Variants in ADAMTS2 observed in about 807,000 individuals in gnomAD.
ADAMTS2 encodes A disintegrin and metalloproteinase with thrombospondin motifs 2.
Under a neutral mutation model 123.0 loss-of-function variants are expected in ADAMTS2, and 50 were observed. The observed-to-expected ratio is 0.41, with a 90% CI of 0.32 to 0.51. The LOEUF is 0.51. Ranked by LOEUF, ADAMTS2 falls within the 20% of genes least tolerant of loss-of-function variation. The probability of loss-of-function intolerance (pLI) is 0.35; values close to 1 mark genes in which losing one functional copy is unlikely to be tolerated. For missense variants in ADAMTS2, 1,494 were observed against 1,705.2 expected (o/e 0.88, Z 2.18); for synonymous variants, 678 against 695.4 (o/e 0.98, Z 0.39).
At chr5:179,220,710 C>T (rs577398040) in intron 3 of ADAMTS2, among the ~76,000 whole-genome samples, 160 of 152,290 alleles carry the variant, frequency 1.1e-3, no homozygotes, top group African/African-American at 3.6e-3. Context: ...GCAGCATCTG[C>T]GCCTCCCCCA....
Position 179,340,755 on chromosome 5 carries a change from G to A in ADAMTS2, c.534+3012C>T, listed in dbSNP as rs576229818. Among the ~76,000 whole-genome samples the A allele has an allele frequency of 4.6e-5, 7 of 152,248 alleles. 1 individual carries two copies. In the South Asian group the frequency reaches 1.2e-3, roughly 27 times the overall value. On this transcript the variant is annotated intron_variant, in intron 2 of 21. Coordinates refer to ENST00000251582, the MANE Select transcript of ADAMTS2 (RefSeq NM_014244.5). ...CACAGGGGGCTCAGCTGAGAGCCTG[G>A]CACACAATGTTAATAGGAACACAGT... is the stretch of plus-strand genomic sequence containing the variant.
intron 2 of ADAMTS2, among the ~76,000 whole-genome samples, chr5:179,316,462 G>A (rs1040336231): frequency 2.6e-5 from 4 of 152,150 alleles, no homozygotes; most frequent in Admixed American, 6.5e-5. Flanking sequence ...GGCATCCCAG[G>A]CTCCTGCCTA....
At chr5:179,183,486 T>A (rs1764096689) in intron 4 of ADAMTS2, among the ~76,000 whole-genome samples, 1 of 152,234 alleles carries the variant, frequency 6.6e-6, no homozygotes, top group Admixed American at 6.5e-5. Flanking sequence ...TCCTGGCTGC[T>A]GCCTGGGACC....
chr5:179,297,940 G>T (rs1164999700), intron 2 of ADAMTS2, among the ~76,000 whole-genome samples: 5 of 152,084 alleles, frequency 3.3e-5, no homozygotes, highest in Non-Finnish European at 5.9e-5. Context: ...CTTCTCAGCA[G>T]GCTGGCCTCT....
In ADAMTS2 at chr5:179,256,396, C is replaced by A. The variant is rs958587293; in HGVS notation, c.688+16515G>T. On this transcript the variant is annotated intron_variant, in intron 3 of 21. Transcript: ENST00000251582. The surrounding 1 kb of genome is among the most constrained non-coding windows in gnomAD (Gnocchi z 4.1). ...CAGCAGGACTCATCCAGAGACAGGA[C>A]AGACCCTGGGCTCCTGGTGCCCAGC... is the stretch of plus-strand genomic sequence containing the variant. Among the ~76,000 whole-genome samples, 1 of 152,316 alleles carries A rather than the reference C, an allele frequency of 6.6e-6. No homozygotes were observed. Among genetic ancestry groups the A allele is most frequent in the South Asian group, 2.1e-4 (1 of 4,820 alleles).
At chr5:179,337,216 G>C (rs61635823) in intron 2 of ADAMTS2, among the ~76,000 whole-genome samples, 1 of 151,966 alleles carries the variant, frequency 6.6e-6, no homozygotes, top group African/African-American at 2.4e-5. Flanking sequence ...CTAACGTGGC[G>C]CCAAGATTGA....
Position 179,314,062 on chromosome 5 carries a change from G to T in ADAMTS2, c.534+29705C>A, listed in dbSNP as rs898597276. 1.2e-5 allele frequency among the ~76,000 whole-genome samples: 1 copy of T among 81,952 alleles called. No individual in the cohort carries two copies. Among genetic ancestry groups the T allele is most frequent in the Non-Finnish European group, 2.6e-5 (1 of 38,158 alleles). The allele number at this position is 81,952 out of a possible 152,430, so 53.8% of individuals were successfully genotyped here. A position where few individuals can be genotyped will look rare whatever the true frequency, so the allele number is the denominator to read the frequency against. On this transcript the variant is annotated intron_variant, in intron 2 of 21. Coordinates refer to ENST00000251582, the MANE Select transcript of ADAMTS2 (RefSeq NM_014244.5). The surrounding 1 kb of genome is among the most constrained non-coding windows in gnomAD (Gnocchi z 4.5). Reference sequence around the variant, plus strand: ...CCCAGGCAGAACCTGATGGTGGGGCGGGGGGGTTCCTCACACACCCCACAC... The same window carrying T: ...CCCAGGCAGAACCTGATGGTGGGGCTGGGGGGTTCCTCACACACCCCACAC...
chr5:179,207,508 C>T lies in ADAMTS2; in HGVS notation c.891+5G>A. On this transcript the variant is annotated splice_donor_5th_base_variant and intron_variant, in intron 4 of 21. Transcript: ENST00000251582. ...CCACCCTGCCCCCTCAGCCACCCCA[C>T]TCACAATGTTCATGAGTGTCAGCAG... 2 of 1,608,912 alleles carry T rather than the reference C, an allele frequency of 1.2e-6. No homozygotes were observed. The highest frequency in any genetic ancestry group is 1.3e-5 in the African/African-American group (1 of 74,808).
At chr5:179,237,279 T>TA (rs551238790) in intron 3 of ADAMTS2, among the ~76,000 whole-genome samples, 1 of 152,132 alleles carries the variant, frequency 6.6e-6, no homozygotes, top group African/African-American at 2.4e-5. Context: ...TTTTTTAAAT[T>TA]AAAAATGTAG....
At chr5:179,344,818 G>T (rs1442255615) in intron 1 of ADAMTS2, among the ~76,000 whole-genome samples, 1 of 152,078 alleles carries the variant, frequency 6.6e-6, no homozygotes, top group African/African-American at 2.4e-5. Flanking sequence ...CTACGCGCTC[G>T]GCAGCCGGCT....
At chr5:179,168,799 C>T (rs1763761947) in intron 5 of ADAMTS2, among the ~76,000 whole-genome samples, 1 of 152,290 alleles carries the variant, frequency 6.6e-6, no homozygotes, top group East Asian at 1.9e-4. Context: ...AAAGTGGGCT[C>T]CCCCAAGGCT....
chr5:179,196,610 G>C (rs1764438458), intron 4 of ADAMTS2, among the ~76,000 whole-genome samples: 1 of 152,228 alleles, frequency 6.6e-6, no homozygotes, highest in South Asian at 2.1e-4. Flanking sequence ...TGGGGTCTGA[G>C]CAGCCCACTG....
In ADAMTS2 at chr5:179,129,166, C is replaced by G. The variant is rs2113198256; in HGVS notation, c.2457+766G>C. Among the ~76,000 whole-genome samples the G allele has an allele frequency of 6.6e-6, 1 of 152,280 alleles. No individual in the cohort carries two copies. The highest frequency in any genetic ancestry group is 3.4e-3 in the Middle Eastern group (1 of 294). Reference sequence around the variant, plus strand: ...CCAGCTGCTCACACACTGATGCAGGCAGGTCACCAAAGGCACGTCCAGGGG... The same window carrying G: ...CCAGCTGCTCACACACTGATGCAGGGAGGTCACCAAAGGCACGTCCAGGGG... On this transcript the variant is annotated intron_variant, in intron 16 of 21. Coordinates refer to ENST00000251582, the MANE Select transcript of ADAMTS2 (RefSeq NM_014244.5). This position sits in a 1 kb window ranked among gnomAD's most constrained non-coding sequence, Gnocchi z 4.1.
intron 2 of ADAMTS2, among the ~76,000 whole-genome samples, chr5:179,287,939 C>T (rs1756071622): frequency 6.6e-6 from 1 of 152,366 alleles, no homozygotes; most frequent in East Asian, 1.9e-4. Flanking sequence ...CTCCACTGTG[C>T]AACAAGGATC....
At chr5:179,164,686 T>C (rs942341656) in intron 5 of ADAMTS2, among the ~76,000 whole-genome samples, 1 of 152,198 alleles carries the variant, frequency 6.6e-6, no homozygotes, top group Non-Finnish European at 1.5e-5. Context: ...CTCCCACTTC[T>C]GGGGGTGCAG....
In ADAMTS2 at chr5:179,171,477, C is replaced by T. The variant is rs190474390; in HGVS notation, c.975+9595G>A. Among the ~76,000 whole-genome samples, 556 of 152,348 alleles carry T rather than the reference C, an allele frequency of 3.6e-3. 2 individuals carry two copies. The highest frequency in any genetic ancestry group is 6.4e-3 in the Non-Finnish European group (435 of 68,026). ...TTGCAGTAGGTCCAACCTAAAGCAACGAGGACTCATAGCCTCGGCTCACTT... is the reference window on the plus strand; with the variant it reads ...TTGCAGTAGGTCCAACCTAAAGCAATGAGGACTCATAGCCTCGGCTCACTT... On this transcript the variant is annotated intron_variant, in intron 5 of 21. Transcript: ENST00000251582.
At chr5:179,293,488 G>A (rs1233552102) in intron 2 of ADAMTS2, among the ~76,000 whole-genome samples, 1 of 152,224 alleles carries the variant, frequency 6.6e-6, no homozygotes, top group African/African-American at 2.4e-5. Context: ...GTGTGCCAAC[G>A]CCTCCGGGCC....
At chr5:179,138,018 CT>C in intron 11 of ADAMTS2, 74 bp from the exon 12 acceptor site, 1 of 1,495,174 alleles carries the variant, frequency 6.7e-7, no homozygotes, top group Non-Finnish European at 9.0e-7. Context: ...CTTGTGAGAT[CT>C]TTTTAGGGGG....
rs1765685705 is a variant in ADAMTS2 at position 179,242,194 on chromosome 5, T to C, written c.688+30717A>G. Among the ~76,000 whole-genome samples, 1 of 152,218 alleles carries C rather than the reference T, an allele frequency of 6.6e-6. No homozygotes were observed. The highest frequency in any genetic ancestry group is 6.5e-5 in the Admixed American group (1 of 15,278). ...AGAGCCAATCTGAGAAGGAAGTCTCTGCAGAAGAGAGCCAAGTCCTAGGAG... is the reference window on the plus strand; with the variant it reads ...AGAGCCAATCTGAGAAGGAAGTCTCCGCAGAAGAGAGCCAAGTCCTAGGAG... On this transcript the variant is annotated intron_variant, in intron 3 of 21. Coordinates refer to ENST00000251582, the MANE Select transcript of ADAMTS2 (RefSeq NM_014244.5). This position sits in a 1 kb window ranked among gnomAD's most constrained non-coding sequence, Gnocchi z 4.2.
Sources: gnomAD v4.1 joint callset for allele counts (sites outside exome capture counted in the v4.1 genomes callset) on GRCh38, gnomAD v4.1.1 for gene constraint, Gnocchi (gnomAD v3.1) non-coding constraint, MANE v1.5 for transcripts, NCBI Gene and HGNC (gene_info 2026-07-23, HGNC 2026-07-21) for gene names.